The following C8orf76 variants were observed in gnomAD, a reference collection of about 807,000 sequenced individuals.
C8orf76 encodes uncharacterized protein C8orf76.
C8orf76 carries 46 observed loss-of-function variants against 38.1 expected under a neutral mutation model. The observed-to-expected ratio is 1.21, with a 90% CI of 0.95 to 1.54. The LOEUF (loss-of-function observed/expected upper bound fraction) is 1.54. Among genes scored for constraint, C8orf76 ranks in the 40% most tolerant of loss-of-function variants. C8orf76 has a pLI of 0.00. For missense variants in C8orf76, 461 were observed against 441.6 expected, an observed-to-expected ratio of 1.04 and a Z score of -0.39; for synonymous variants, 166 against 167.5, an observed-to-expected ratio of 0.99 and a Z score of 0.07.
intron 3 of C8orf76, chr8:123,236,709 G>A (rs1396826944): frequency 1.9e-5 from 7 of 373,580 alleles, no homozygotes; most frequent in South Asian, 1.4e-4. Context: ...GTTTGAATCC[G>A]GGAGGCGGAG....
At chr8:123,238,895 G>C in intron 2 of C8orf76, 154 bp downstream of exon 2, 1 of 690,732 alleles carries the variant, frequency 1.4e-6, no homozygotes, top group Non-Finnish European at 2.4e-6. Flanking sequence ...AAGCAGAAAA[G>C]AACGGAAACT....
At chr8:123,241,164 G>A in intron 1 of C8orf76, 66 bp downstream of exon 1, 1 of 1,469,994 alleles carries the variant, frequency 6.8e-7, no homozygotes, top group Non-Finnish European at 9.0e-7. Flanking sequence ...CCGAGGCCGG[G>A]GCCGGGGCCC....
intron 4 of C8orf76, among the ~76,000 whole-genome samples, chr8:123,229,783 G>A (rs1223630630): frequency 3.9e-5 from 6 of 152,164 alleles, no homozygotes; most frequent in South Asian, 2.1e-4. Flanking sequence ...CTGGGAAGCC[G>A]AGGCGGGTGG....
At chr8:123,241,120 C>A (rs1825669484) in intron 1 of C8orf76, 110 bp downstream of exon 1, 2 of 1,119,082 alleles carry the variant, frequency 1.8e-6, no homozygotes, top group Non-Finnish European at 2.4e-6. Context: ...GGCGCTGGAG[C>A]CTGCCAGGGT....
intron 4 of C8orf76, among the ~76,000 whole-genome samples, chr8:123,230,714 G>A (rs542383363): frequency 1.3e-5 from 2 of 151,422 alleles, no homozygotes; most frequent in South Asian, 2.1e-4. Flanking sequence ...GCAGTGGCAC[G>A]ATCTCAGCTC....
intron 5 of C8orf76, among the ~76,000 whole-genome samples, chr8:123,222,688 A>C (rs1166484183): frequency 2.0e-5 from 3 of 152,248 alleles, no homozygotes; most frequent in Non-Finnish European, 2.9e-5. Context: ...ACAAATGGCC[A>C]ATAACACATG....
chr8:123,220,131 A>G lies in C8orf76; in HGVS notation c.1115T>C (p.Phe372Ser). Reference sequence around the variant, plus strand: ...AGCCAAGATTTGTATCTCTGTATGGAACTGATTTTCAAATGGACAGAAATG... The same window carrying G: ...AGCCAAGATTTGTATCTCTGTATGGGACTGATTTTCAAATGGACAGAAATG... ...KDHFCPFENQ[F>S]HTEIQILA Residue 372 changes from phenylalanine (F) to serine (S), a missense_variant, in exon 6 of 6, where the codon TTC becomes TCC. Transcript: ENST00000276704. 6.2e-7 allele frequency: 1 copy of G among 1,612,010 alleles called. No individual in the cohort carries two copies. Among genetic ancestry groups the G allele is most frequent in the East Asian group, 2.2e-5 (1 of 44,876 alleles).
intron 5 of C8orf76, among the ~76,000 whole-genome samples, chr8:123,222,706 T>A (rs1824922077): frequency 6.6e-6 from 1 of 152,276 alleles, no homozygotes; most frequent in East Asian, 1.9e-4. Context: ...ATGAAAAAAT[T>A]GTTCATCTTA....
chr8:123,237,023 GAGT>G, intron 3 of C8orf76: 1 of 1,471,060 alleles, frequency 6.8e-7, no homozygotes, highest in Non-Finnish European at 9.5e-7. Flanking sequence ...CATCCAGAAG[GAGT>G]CCACCCTGCA....
rs1375203756 is a variant in C8orf76, at chr8:123,220,065, C to T, written c.*38G>A. On this transcript the variant is annotated 3_prime_UTR_variant, in exon 6 of 6. Transcript: ENST00000276704. ...CTGAAGTAAACAAGGACAATTAATA[C>T]AGTACAAGATATTTGTGGTTTTGTT... 1 of 1,236,790 alleles carries T rather than the reference C, an allele frequency of 8.1e-7. No individual in the cohort carries two copies. The highest frequency in any genetic ancestry group is 1.1e-6 in the Non-Finnish European group (1 of 874,314). The allele number at this position is 1,236,790 out of a possible 1,614,324, so 76.6% of individuals were successfully genotyped here. A position where few individuals can be genotyped will look rare whatever the true frequency, so the allele number is the denominator to read the frequency against.
At chr8:123,232,627 C>T (rs1220933154) in intron 3 of C8orf76, among the ~76,000 whole-genome samples, 9 of 152,192 alleles carry the variant, frequency 5.9e-5, no homozygotes, top group East Asian at 1.9e-4. Flanking sequence ...ACCTGGTGTA[C>T]GGCCCCAGGA....
At chr8:123,232,451 G>A (rs1289620909) in intron 3 of C8orf76, among the ~76,000 whole-genome samples, 1 of 152,218 alleles carries the variant, frequency 6.6e-6, no homozygotes, top group South Asian at 2.1e-4. Context: ...TGTCCTCTGG[G>A]TTAGTAAAAA....
intron 5 of C8orf76, among the ~76,000 whole-genome samples, chr8:123,223,927 G>C (rs1296650774): frequency 2.0e-5 from 3 of 152,200 alleles, no homozygotes; most frequent in African/African-American, 7.2e-5. Flanking sequence ...AAAAATAGTA[G>C]ATTAGAGGTT....
chr8:123,222,623 T>C (rs140816484), intron 5 of C8orf76, among the ~76,000 whole-genome samples: 2 of 152,278 alleles, frequency 1.3e-5, no homozygotes, highest in East Asian at 3.9e-4. Flanking sequence ...TTAAAATTGC[T>C]ATGAAAAACA....
At position 123,231,134 on chromosome 8, in the gene C8orf76, T is replaced by C. The variant is rs111664555; in HGVS notation, c.815+166A>G. 4.0e-3 allele frequency among the ~76,000 whole-genome samples: 606 copies of C among 152,308 alleles called. 4 individuals carry two copies. The highest frequency in any genetic ancestry group is 0.014 in the African/African-American group (577 of 41,574). On this transcript the variant is annotated intron_variant, in intron 4 of 5. Coordinates refer to ENST00000276704, the MANE Select transcript of C8orf76 (RefSeq NM_032847.3). ...ATTCTTAAACAAATGTAGTTTTGTT[T>C]CCAAGTATTACACACTAGAATGACA...
Position 123,237,809 on chromosome 8 carries a change from C to A in C8orf76, c.346G>T (p.Ala116Ser). 6.2e-7 allele frequency: 1 copy of A among 1,612,464 alleles called. No homozygotes were observed. Among genetic ancestry groups the A allele is most frequent in the Non-Finnish European group, 8.5e-7 (1 of 1,179,452 alleles). The change falls in exon 3 of 6, where the codon GCT becomes TCT. Residue 116 changes from alanine to serine, a missense_variant. Physicochemically the swap from Ala to Ser is moderately conservative, Grantham distance 99 (BLOSUM62 1). Coordinates refer to ENST00000276704, the MANE Select transcript of C8orf76 (RefSeq NM_032847.3). Reference protein sequence around the residue: ...LGRHMEALEIAANLENKATNT... With the variant: ...LGRHMEALEISANLENKATNT... ...ATAAAATCACTCACCAAGTTTGCAG[C>A]AATCTCCAGCGCCTCCATATGCCTA...
chr8:123,220,992 G>A (rs1824883856), intron 5 of C8orf76, among the ~76,000 whole-genome samples: 1 of 152,210 alleles, frequency 6.6e-6, no homozygotes, highest in Non-Finnish European at 1.5e-5. Flanking sequence ...GAAAGCTTAT[G>A]TAGTCATGGA....
intron 5 of C8orf76, among the ~76,000 whole-genome samples, 200 bp from the exon 6 acceptor site, chr8:123,220,497 T>C (rs1452124986): frequency 6.6e-6 from 1 of 152,024 alleles, no homozygotes; most frequent in Non-Finnish European, 1.5e-5. Flanking sequence ...CCCGATCTTA[T>C]CTGATCTCAG....
rs1310786421 is a variant in C8orf76 at position 123,241,279 on chromosome 8, C to T, written c.68G>A (p.Arg23Gln). ...GTAGGACGCGGGCGGTCCTGACCGC[C>T]GCTCCGGCCTCTCCTCGAACACCGA... ...EDSVFEERPERRSGPPASYCA... is the reference protein window; with the variant it reads ...EDSVFEERPEQRSGPPASYCA... Residue 23 changes from arginine (R) to glutamine (Q), a missense_variant, in exon 1 of 6, where the codon CGG becomes CAG. By Grantham distance (43) the Arg-to-Gln change is conservative. Transcript: ENST00000276704. 1 of 1,582,962 alleles carries T rather than the reference C, an allele frequency of 6.3e-7. No homozygotes were observed. Among genetic ancestry groups the T allele is most frequent in the Admixed American group, 1.8e-5 (1 of 56,022 alleles).
Sources: allele counts gnomAD v4.1 joint callset (sites outside exome capture counted in the v4.1 genomes callset), GRCh38; gene constraint gnomAD v4.1.1; transcripts MANE v1.5; gene names NCBI Gene and HGNC (gene_info 2026-07-23, HGNC 2026-07-21).